LGALS3: variants seen among roughly 807,000 people sequenced by gnomAD.
LGALS3 encodes the protein galectin 3.
A neutral mutation model predicts 20.7 loss-of-function variants in LGALS3; 18 were observed. The ratio of observed to expected loss-of-function variants is 0.87; its 90% CI spans 0.60 to 1.29. The LOEUF (loss-of-function observed/expected upper bound fraction) is 1.29. Ranked by LOEUF, LGALS3 falls within the 50% of genes most tolerant of loss-of-function variation. The pLI is 0.00. For synonymous variants in LGALS3, 112 were observed against 119.6 expected, an observed-to-expected ratio of 0.94 and a Z score of 0.42; for missense variants, 315 against 314.7, an observed-to-expected ratio of 1.00 and a Z score of -0.01.
chr14:55,132,620 T>G (rs937445458), intron 1 of LGALS3, among the ~76,000 whole-genome samples: 1 of 152,104 alleles, frequency 6.6e-6, no homozygotes, highest in East Asian at 1.9e-4. Context: ...CAGGCTGGAG[T>G]GCAGTGGTGC....
chr14:55,140,226 C>A, intron 3 of LGALS3, 49 bp from the exon 4 acceptor site: 1 of 1,255,644 alleles, frequency 8.0e-7, no homozygotes, highest in Non-Finnish European at 1.2e-6. Flanking sequence ...GTTTTTTCCC[C>A]AAAGAAACAT....
At chr14:55,135,511 A>G (rs1881361449) in intron 1 of LGALS3, among the ~76,000 whole-genome samples, 1 of 150,828 alleles carries the variant, frequency 6.6e-6, no homozygotes, top group South Asian at 2.1e-4. Flanking sequence ...AAGCCCTAGG[A>G]GGAGCTCTGC....
chr14:55,138,308 G>T lies in LGALS3; in HGVS notation c.282G>T (p.Gln94His). 6.2e-7 allele frequency: 1 copy of T among 1,612,610 alleles called. No homozygotes were observed. Among genetic ancestry groups the T allele is most frequent in the South Asian group, 1.1e-5 (1 of 91,072 alleles). The change falls in exon 3 of 6, where the codon CAG becomes CAT. Residue 94 changes from glutamine (Q) to histidine (H), a missense_variant. Transcript: ENST00000254301. ...CTGGGGCCTACCCATCTTCTGGACA[G>T]CCAAGTGCCACCGGAGCCTACCCTG... Reference protein sequence around the residue: ...SGPGAYPSSGQPSATGAYPAT... With the variant: ...SGPGAYPSSGHPSATGAYPAT...
chr14:55,135,560 G>GTTTTTTTTTTT (rs762172869), intron 1 of LGALS3, among the ~76,000 whole-genome samples: 3 of 106,560 alleles, frequency 2.8e-5, no homozygotes, highest in African/African-American at 8.5e-5. Flanking sequence ...ATATTTTATG[G>GTTTTTTTTTTT]TTTTTTTTTT....
intron 1 of LGALS3, among the ~76,000 whole-genome samples, chr14:55,136,130 G>A (rs558814742): frequency 1.3e-5 from 2 of 152,274 alleles, no homozygotes; most frequent in African/African-American, 4.8e-5. Context: ...TGCTTTTGGA[G>A]CCTTGACATG....
At chr14:55,134,601 G>T (rs569319941) in intron 1 of LGALS3, among the ~76,000 whole-genome samples, 8 of 152,204 alleles carry the variant, frequency 5.3e-5, no homozygotes, top group African/African-American at 1.9e-4. Flanking sequence ...CTTCTCTCAA[G>T]GTCCCCCTGC....
intron 4 of LGALS3, among the ~76,000 whole-genome samples, chr14:55,140,770 G>T (rs556539184): frequency 3.3e-5 from 5 of 152,246 alleles, no homozygotes; most frequent in African/African-American, 1.2e-4. Flanking sequence ...TTTGCTTATG[G>T]GTTTGAAGAG....
rs1317595207 is a variant in LGALS3 at position 55,145,400 on chromosome 14, A to G, written c.*129A>G. ...CTTGTAAGTCATCTACTTAATAAAT[A>G]TTACAGTGAATTACCTGTCTCAATA... On this transcript the variant is annotated 3_prime_UTR_variant, in exon 6 of 6. Transcript: ENST00000254301. The G allele has an allele frequency of 6.8e-7, 1 of 1,471,538 alleles. No homozygotes were observed. The highest frequency in any genetic ancestry group is 9.2e-7 in the Non-Finnish European group (1 of 1,088,388). 91.2% of individuals were successfully genotyped at this position (1,471,538 alleles called of 1,614,324 possible).
chr14:55,138,954 T>A (rs1881521721), intron 3 of LGALS3, among the ~76,000 whole-genome samples: 1 of 152,244 alleles, frequency 6.6e-6, no homozygotes, highest in Non-Finnish European at 1.5e-5. Flanking sequence ...CACAGGATCC[T>A]TCCTTTCCAG....
chr14:55,132,303 GT>G lies in LGALS3; in HGVS notation c.-5+3015del, dbSNP rs879913641. On this transcript the variant is annotated intron_variant, in intron 1 of 5. Transcript: ENST00000254301. ...CTCTACTTTTAGTTTATTTTTTGAAGTTTTTTTTTTTTCCCCTCTGACTGTT... is the reference window on the plus strand; with the variant it reads ...CTCTACTTTTAGTTTATTTTTTGAAGTTTTTTTTTTTCCCCTCTGACTGTT... Among the ~76,000 whole-genome samples the G allele has an allele frequency of 1.5e-3, 221 of 146,774 alleles. 2 individuals carry two copies. The highest frequency in any genetic ancestry group is 3.9e-3 in the African/African-American group (158 of 40,318).
At position 55,137,384 on chromosome 14, in the gene LGALS3, A is replaced by G. The variant is rs1250341030; in HGVS notation, c.11A>G (p.Asn4Ser). 9.3e-6 allele frequency: 15 copies of G among 1,613,928 alleles called. No individual in the cohort carries two copies. Among genetic ancestry groups the G allele is most frequent in the African/African-American group, 4.0e-5 (3 of 74,890 alleles). MAD[N>S]FSLHDALSGS... The stretch of plus-strand genomic sequence containing the variant: ...GTTTCTTTCAGGAAAATGGCAGACA[A>G]TTTTTCGGTAAGTGTTTTATGCCTG... Residue 4 changes from asparagine (N) to serine (S), a missense_variant, in exon 2 of 6, where the codon AAT becomes AGT. Physicochemically the swap from Asn to Ser is conservative, Grantham distance 46 (BLOSUM62 1). Transcript: ENST00000254301.
chr14:55,137,143 C>T (rs1377512917), intron 1 of LGALS3: 3 of 605,694 alleles, frequency 5.0e-6, no homozygotes, highest in Non-Finnish European at 8.9e-6. Flanking sequence ...ATTCAGAGCA[C>T]AGGCTAGTGT....
chr14:55,137,496 G>C lies in LGALS3; in HGVS notation c.18+105G>C, dbSNP rs987187346. On this transcript the variant is annotated intron_variant, in intron 2 of 5. Coordinates refer to ENST00000254301, the MANE Select transcript of LGALS3 (RefSeq NM_002306.4). ...TTCCCTTTTCACTCTCCCACTGCGT[G>C]GCTTCCCCTGGACTCATTTGTCCAA... 2.5e-6 allele frequency: 4 copies of C among 1,611,380 alleles called. No individual in the cohort carries two copies. In the African/African-American group the frequency reaches 5.4e-5, roughly 22 times the overall value.
At chr14:55,139,616 G>A (rs960175351) in intron 3 of LGALS3, among the ~76,000 whole-genome samples, 9 of 152,180 alleles carry the variant, frequency 5.9e-5, no homozygotes, top group African/African-American at 2.2e-4. Flanking sequence ...ACTGAGACTC[G>A]GATTTTTGAG....
chr14:55,138,176 CCCAGGGGCTTATCCTGGACAGGCACCT>C lies in LGALS3; in HGVS notation c.156_182del (p.Gln57_Gly65del), dbSNP rs1200199158. On this transcript the variant is annotated inframe_deletion, in exon 3 of 6. Transcript: ENST00000254301. ...CTGGGGCCTACCCCGGGCAGGCACC[CCCAGGGGCTTATCCTGGACAGGCACCT>C]CCAGGCGCCTACCCTGGAGCACCTG... 3.1e-6 allele frequency: 5 copies of C among 1,610,344 alleles called. No individual in the cohort carries two copies. Among genetic ancestry groups the C allele is most frequent in the South Asian group, 1.1e-5 (1 of 90,660 alleles).
rs192920279 is a variant in LGALS3 at position 55,145,091 on chromosome 14, A to G, written c.598-25A>G. On this transcript the variant is annotated intron_variant, in intron 5 of 5. Transcript: ENST00000254301. ...GCTGACATATGCATTACCTCATGTA[A>G]CAGTTTATGTATATGCCATTTCAGA... The G allele has an allele frequency of 2.5e-6, 4 of 1,597,372 alleles. No homozygotes were observed. The East Asian group carries it at 8.9e-5, about 36-fold the overall frequency.
In LGALS3 at chr14:55,129,750, C is replaced by T. The variant is rs1271368488; in HGVS notation, c.-5+450C>T. ...GCTCGCTCAGCAAACCAGACGGCCG[C>T]TCCAGTTTCTCTAATTGGGGTTGGA... is the stretch of plus-strand genomic sequence containing the variant. On this transcript the variant is annotated intron_variant, in intron 1 of 5. Coordinates refer to ENST00000254301, the MANE Select transcript of LGALS3 (RefSeq NM_002306.4). The surrounding 1 kb of genome is among the most constrained non-coding windows in gnomAD (Gnocchi z 5.3). Among the ~76,000 whole-genome samples, 1 of 152,224 alleles carries T rather than the reference C, an allele frequency of 6.6e-6. No individual in the cohort carries two copies. The highest frequency in any genetic ancestry group is 1.5e-5 in the Non-Finnish European group (1 of 68,030).
intron 4 of LGALS3, among the ~76,000 whole-genome samples, chr14:55,141,694 T>C (rs1881629101): frequency 6.6e-6 from 1 of 152,244 alleles, no homozygotes; most frequent in Non-Finnish European, 1.5e-5. Flanking sequence ...GATGACAACA[T>C]TGTATATTTA....
At chr14:55,141,774 G>C (rs151078791) in intron 4 of LGALS3, among the ~76,000 whole-genome samples, 1 of 152,334 alleles carries the variant, frequency 6.6e-6, no homozygotes, top group African/African-American at 2.4e-5. Context: ...GTGGTTGAAT[G>C]TGACTGTTAC....
Sources: allele counts gnomAD v4.1 joint callset (sites outside exome capture counted in the v4.1 genomes callset), GRCh38; gene constraint gnomAD v4.1.1; non-coding constraint Gnocchi (gnomAD v3.1); transcripts MANE v1.5; gene names NCBI Gene and HGNC (gene_info 2026-07-23, HGNC 2026-07-21).